LRFN5: variants seen among roughly 807,000 people sequenced by gnomAD.
LRFN5 encodes leucine-rich repeat and fibronectin type-III domain-containing protein 5.
LRFN5 carries 24 observed loss-of-function variants against 45.6 expected under a neutral mutation model. The observed-to-expected ratio is 0.53, with a 90% CI of 0.38 to 0.74. The LOEUF (loss-of-function observed/expected upper bound fraction) is 0.74. Among genes scored for constraint, LRFN5 ranks in the 30% least tolerant of loss-of-function variants. LRFN5 has a pLI of 0.00. For missense variants in LRFN5, 776 were observed against 861.5 expected, an observed-to-expected ratio of 0.90 and a Z score of 1.24; for synonymous variants, 340 against 313.8, an observed-to-expected ratio of 1.08 and a Z score of -0.88.
At chr14:41,703,433 G>A (rs1882919178) in intron 1 of LRFN5, among the ~76,000 whole-genome samples, 1 of 151,826 alleles carries the variant, frequency 6.6e-6, no homozygotes, top group Admixed American at 6.6e-5. Flanking sequence ...GTAAAAAACT[G>A]CATTAATTAT....
chr14:41,856,675 A>ATTATTATTATTTTTTTTTTTTTTT, intron 2 of LRFN5, among the ~76,000 whole-genome samples: 22 of 18,336 alleles, frequency 1.2e-3, no homozygotes, highest in Non-Finnish European at 1.9e-3. Context: ...TATTATTATT[A>ATTATTATTATTTTTTTTTTTTTTT]TTTTTTTTTT....
intron 1 of LRFN5, among the ~76,000 whole-genome samples, chr14:41,650,885 A>AAGAGAAAG (rs1880083276): frequency 9.5e-6 from 1 of 104,816 alleles, no homozygotes; most frequent in African/African-American, 3.9e-5. Context: ...GAGACAGAGA[A>AAGAGAAAG]AGAGAGAGAG....
At chr14:41,829,769 G>A (rs1888415933) in intron 2 of LRFN5, among the ~76,000 whole-genome samples, 1 of 151,004 alleles carries the variant, frequency 6.6e-6, no homozygotes, top group Non-Finnish European at 1.5e-5. Flanking sequence ...TGAACTTTCT[G>A]ATTCCACACC....
intron 2 of LRFN5, among the ~76,000 whole-genome samples, chr14:41,842,920 A>C (rs1243949278): frequency 1.3e-5 from 2 of 152,022 alleles, no homozygotes; most frequent in African/African-American, 4.8e-5. Context: ...TTCTCGAATG[A>C]AGTATTTGAT....
chr14:41,753,801 A>G (rs953816452), intron 1 of LRFN5, among the ~76,000 whole-genome samples: 1 of 152,052 alleles, frequency 6.6e-6, no homozygotes, highest in Non-Finnish European at 1.5e-5. Context: ...TTCCAACACT[A>G]TGTTGAATAG....
At chr14:41,749,615 A>T (rs1358499294) in intron 1 of LRFN5, among the ~76,000 whole-genome samples, 1 of 152,104 alleles carries the variant, frequency 6.6e-6, no homozygotes, top group Non-Finnish European at 1.5e-5. Flanking sequence ...AAGTGAAACC[A>T]TATGACCTTA....
chr14:41,767,743 TG>T (rs1885939025), intron 2 of LRFN5, among the ~76,000 whole-genome samples: 1 of 152,214 alleles, frequency 6.6e-6, no homozygotes, highest in Non-Finnish European at 1.5e-5. Flanking sequence ...AATTTATGTA[TG>T]GGCTTTCTAA....
At chr14:41,690,576 G>A (rs960784797) in intron 1 of LRFN5, among the ~76,000 whole-genome samples, 15 of 151,984 alleles carry the variant, frequency 9.9e-5, no homozygotes, top group African/African-American at 3.6e-4. Context: ...AAAGAAATTA[G>A]CATAAATTTA....
chr14:41,854,466 A>C (rs1889384177), intron 2 of LRFN5, among the ~76,000 whole-genome samples: 1 of 152,144 alleles, frequency 6.6e-6, no homozygotes, highest in Non-Finnish European at 1.5e-5. Context: ...CATATGTAAC[A>C]GACCTGCACA....
At chr14:41,897,082 C>T (rs906239179) in intron 4 of LRFN5, among the ~76,000 whole-genome samples, 2 of 149,008 alleles carry the variant, frequency 1.3e-5, no homozygotes, top group Non-Finnish European at 3.0e-5. Flanking sequence ...CAGAGTGAGA[C>T]TCTGTCAAAA....
chr14:41,687,820 T>C (rs1375375603), intron 1 of LRFN5, among the ~76,000 whole-genome samples: 1 of 151,498 alleles, frequency 6.6e-6, no homozygotes, highest in Non-Finnish European at 1.5e-5. Flanking sequence ...CTGCTGGGGG[T>C]TGGGGTTTGA....
Position 41,639,018 on chromosome 14 carries a change from A to G in LRFN5, c.-197+30456A>G, listed in dbSNP as rs1319369713. 3.9e-5 allele frequency among the ~76,000 whole-genome samples: 6 copies of G among 152,198 alleles called. No homozygotes were observed. In the East Asian group the frequency reaches 1.2e-3, roughly 29 times the overall value. On this transcript the variant is annotated intron_variant, in intron 1 of 5. Transcript: ENST00000298119. ...AGAAAAGGTTGGTGTCATTATATTT[A>G]CAGTAAATAGAAGAAATTTGTTCAA...
chr14:41,628,245 T>G (rs1888403109), intron 1 of LRFN5, among the ~76,000 whole-genome samples: 1 of 152,200 alleles, frequency 6.6e-6, no homozygotes, highest in African/African-American at 2.4e-5. Context: ...AAGCTGTCAG[T>G]GAAGTCATTT....
At chr14:41,809,130 G>A (rs12878431) in intron 2 of LRFN5, among the ~76,000 whole-genome samples, 20,618 of 151,888 alleles carry the variant, frequency 0.14, 1,474 homozygotes, top group East Asian at 0.21. Flanking sequence ...TTAGTCTAAC[G>A]AAGCACAATT....
At chr14:41,648,884 C>A (rs1433898002) in intron 1 of LRFN5, among the ~76,000 whole-genome samples, 2 of 152,016 alleles carry the variant, frequency 1.3e-5, no homozygotes, top group Admixed American at 1.3e-4. Context: ...AGAACTTGCC[C>A]TGTAAACTTC....
intron 2 of LRFN5, among the ~76,000 whole-genome samples, chr14:41,811,232 A>G (rs192048935): frequency 1.8e-3 from 270 of 152,234 alleles, no homozygotes; most frequent in African/African-American, 6.1e-3. Flanking sequence ...AGCATTTCTC[A>G]TCCTCTAAGA....
At chr14:41,756,917 A>T (rs137953606) in intron 1 of LRFN5, among the ~76,000 whole-genome samples, 206 of 152,166 alleles carry the variant, frequency 1.4e-3, no homozygotes, top group African/African-American at 4.8e-3. Context: ...GATGATGGTG[A>T]CGTACAGATG....
intron 2 of LRFN5, among the ~76,000 whole-genome samples, chr14:41,821,771 G>A (rs1888121435): frequency 6.8e-6 from 1 of 147,168 alleles, no homozygotes; most frequent in African/African-American, 2.6e-5. Context: ...GTGGGGTGGG[G>A]GAGGGATTTT....
intron 2 of LRFN5, among the ~76,000 whole-genome samples, chr14:41,774,688 T>C (rs1886213421): frequency 6.6e-6 from 1 of 152,184 alleles, no homozygotes; most frequent in Non-Finnish European, 1.5e-5. Flanking sequence ...TTGAAAAGCG[T>C]TAACTTAGAT....
Sources: allele counts gnomAD v4.1 joint callset (sites outside exome capture counted in the v4.1 genomes callset), GRCh38; gene constraint gnomAD v4.1.1; transcripts MANE v1.5; gene names NCBI Gene and HGNC (gene_info 2026-07-23, HGNC 2026-07-21).